Variants in FOXK1 observed in about 807,000 individuals in gnomAD.
FOXK1 encodes the protein forkhead box protein K1.
FOXK1 carries 19 observed loss-of-function variants against 51.9 expected under a neutral mutation model. That is an observed-to-expected ratio of 0.37 (90% CI 0.26 to 0.54). The LOEUF (loss-of-function observed/expected upper bound fraction) is 0.54, where lower values mean the gene tolerates loss of function less well. Among genes scored for constraint, FOXK1 ranks in the 20% least tolerant of loss-of-function variants. FOXK1 has a pLI of 0.87. For missense variants in FOXK1, 870 were observed against 1,032.7 expected, an observed-to-expected ratio of 0.84 and a Z score of 2.16; for synonymous variants, 537 against 482.6, an observed-to-expected ratio of 1.11 and a Z score of -1.48.
chr7:4,699,525 G>A (rs950397456), intron 1 of FOXK1, among the ~76,000 whole-genome samples: 1 of 151,954 alleles, frequency 6.6e-6, no homozygotes, highest in Non-Finnish European at 1.5e-5. Flanking sequence ...CCACCACCAT[G>A]CTGGGCTAAT....
At chr7:4,759,920 A>C in intron 7 of FOXK1, 1 of 389,174 alleles carries the variant, frequency 2.6e-6, no homozygotes, top group Admixed American at 4.4e-5. Flanking sequence ...AGTCCCAGCT[A>C]CTCAGGAGGC....
At chr7:4,697,196 A>G (rs1216625793) in intron 1 of FOXK1, among the ~76,000 whole-genome samples, 1 of 152,188 alleles carries the variant, frequency 6.6e-6, no homozygotes, top group East Asian at 1.9e-4. Context: ...GGAGGAAAAG[A>G]GGGAGGCTCA....
At chr7:4,750,432 G>A (rs762032216) in intron 2 of FOXK1, among the ~76,000 whole-genome samples, 8 of 151,478 alleles carry the variant, frequency 5.3e-5, no homozygotes, top group African/African-American at 1.9e-4. Context: ...CGTGTATGCC[G>A]TCGTTTTCAG....
intron 1 of FOXK1, among the ~76,000 whole-genome samples, chr7:4,694,121 A>C (rs899992029): frequency 1.3e-5 from 2 of 152,214 alleles, no homozygotes; most frequent in East Asian, 3.8e-4. Flanking sequence ...TCCTGGGCTC[A>C]CATGATCCTC....
chr7:4,737,552 C>CGTGTGTGTG (rs1780570317), intron 1 of FOXK1, among the ~76,000 whole-genome samples: 71 of 148,986 alleles, frequency 4.8e-4, no homozygotes, highest in African/African-American at 1.7e-3. Flanking sequence ...GTGTGCGTGC[C>CGTGTGTGTG]TGTGTGTGTG....
At chr7:4,697,469 GGCTGCTGA>G (rs1779967827) in intron 1 of FOXK1, among the ~76,000 whole-genome samples, 1 of 152,174 alleles carries the variant, frequency 6.6e-6, no homozygotes, top group African/African-American at 2.4e-5. Flanking sequence ...TGCTGTCTGT[GGCTGCTGA>G]GCTGAGCCGG....
rs923769128 is a variant in FOXK1, at chr7:4,748,802, C to T, written c.747-5657C>T. Among the ~76,000 whole-genome samples, 9 of 152,178 alleles carry T rather than the reference C, an allele frequency of 5.9e-5. No individual in the cohort carries two copies. Among genetic ancestry groups the T allele is most frequent in the Non-Finnish European group, 8.8e-5 (6 of 68,036 alleles). ...CAAGCGAGCCTCCTGCCTCAGCCTCCCGAGTAGTAGGGACTACAGGTGTGC... is the reference window on the plus strand; with the variant it reads ...CAAGCGAGCCTCCTGCCTCAGCCTCTCGAGTAGTAGGGACTACAGGTGTGC... On this transcript the variant is annotated intron_variant, in intron 2 of 8. Transcript: ENST00000328914. This position sits in a 1 kb window ranked among gnomAD's most constrained non-coding sequence, Gnocchi z 4.9.
chr7:4,741,102 G>A (rs769635400), intron 2 of FOXK1, 79 bp downstream of exon 2: 38 of 1,048,596 alleles, frequency 3.6e-5, no homozygotes, highest in Admixed American at 3.8e-5. Context: ...ACGCAGCACC[G>A]GGTTCCAAAT....
intron 1 of FOXK1, among the ~76,000 whole-genome samples, chr7:4,739,244 T>C (rs1391321360): frequency 6.6e-6 from 1 of 152,228 alleles, no homozygotes; most frequent in African/African-American, 2.4e-5. Context: ...CCGTCCTGAA[T>C]GCCTTCGGGA....
chr7:4,700,153 GC>G (rs1310940616), intron 1 of FOXK1, among the ~76,000 whole-genome samples: 1 of 152,174 alleles, frequency 6.6e-6, no homozygotes, highest in Non-Finnish European at 1.5e-5. Context: ...ACCCTGTGTG[GC>G]CTGTCGTTGT....
In FOXK1 at chr7:4,762,166, C is replaced by G; in HGVS notation, c.1922-18C>G. ...CCTAACCAGACCCCAGAGTAACCCT[C>G]TTCTTCCTCCACTCCAGCCCTCACC... On this transcript the variant is annotated intron_variant, in intron 8 of 8. Coordinates refer to ENST00000328914, the MANE Select transcript of FOXK1 (RefSeq NM_001037165.2). This position sits in a 1 kb window ranked among gnomAD's most constrained non-coding sequence, Gnocchi z 5.7. 1.9e-6 allele frequency: 3 copies of G among 1,540,366 alleles called. No homozygotes were observed. The highest frequency in any genetic ancestry group is 2.6e-6 in the Non-Finnish European group (3 of 1,138,230).
At chr7:4,706,628 A>G (rs1029946411) in intron 1 of FOXK1, among the ~76,000 whole-genome samples, 2 of 152,358 alleles carry the variant, frequency 1.3e-5, no homozygotes. Context: ...GGTAATGCCA[A>G]CAGTCACCAA....
rs1780721727 is a variant in FOXK1, at chr7:4,747,585, G to A, written c.746+6562G>A. Among the ~76,000 whole-genome samples the A allele has an allele frequency of 6.6e-6, 1 of 152,130 alleles. No homozygotes were observed. Among genetic ancestry groups the A allele is most frequent in the Non-Finnish European group, 1.5e-5 (1 of 68,034 alleles). On this transcript the variant is annotated intron_variant, in intron 2 of 8. Coordinates refer to ENST00000328914, the MANE Select transcript of FOXK1 (RefSeq NM_001037165.2). This position sits in a 1 kb window ranked among gnomAD's most constrained non-coding sequence, Gnocchi z 9.2. ...GGGTCTCACTCTATTGCCCAGGCTG[G>A]AGTGCAGTGGCACAGTCACAGCTCA...
At position 4,745,957 on chromosome 7, in the gene FOXK1, G is replaced by A. The variant is rs905242880; in HGVS notation, c.746+4934G>A. Reference sequence around the variant, plus strand: ...ATTCAAGTAGTTAATCATTTTCTAGGTTCCATCAGACAGACACCAGTCTAA... The same window carrying A: ...ATTCAAGTAGTTAATCATTTTCTAGATTCCATCAGACAGACACCAGTCTAA... On this transcript the variant is annotated intron_variant, in intron 2 of 8. Coordinates refer to ENST00000328914, the MANE Select transcript of FOXK1 (RefSeq NM_001037165.2). The surrounding 1 kb of genome is among the most constrained non-coding windows in gnomAD (Gnocchi z 4.3). 1.3e-5 allele frequency among the ~76,000 whole-genome samples: 2 copies of A among 152,186 alleles called. No individual in the cohort carries two copies. Among genetic ancestry groups the A allele is most frequent in the East Asian group, 1.9e-4 (1 of 5,200 alleles).
chr7:4,767,959 G>A lies in FOXK1; in HGVS notation c.*5495G>A, dbSNP rs1426297657. ...TGAATTCTGTCGGAGTTGAATCTGT[G>A]GAAAGGATTGTCCCATTAGAGCTGC... On this transcript the variant is annotated 3_prime_UTR_variant, in exon 9 of 9. Coordinates refer to ENST00000328914, the MANE Select transcript of FOXK1 (RefSeq NM_001037165.2). The surrounding 1 kb of genome is among the most constrained non-coding windows in gnomAD (Gnocchi z 6.6). 1 of 151,898 alleles carries A rather than the reference G, an allele frequency of 6.6e-6. No homozygotes were observed. Among genetic ancestry groups the A allele is most frequent in the African/African-American group, 2.4e-5 (1 of 41,322 alleles). 9.4% of individuals were successfully genotyped at this position (151,898 alleles called of 1,614,324 possible).
At chr7:4,694,495 C>T (rs983755493) in intron 1 of FOXK1, among the ~76,000 whole-genome samples, 3 of 152,254 alleles carry the variant, frequency 2.0e-5, no homozygotes, top group East Asian at 1.9e-4. Context: ...ATTTGTATCA[C>T]GAGGGGGAAA....
In FOXK1 at chr7:4,730,563, C is replaced by A. The variant is rs557472799; in HGVS notation, c.561-10275C>A. Among the ~76,000 whole-genome samples, 1 of 152,148 alleles carries A rather than the reference C, an allele frequency of 6.6e-6. No individual in the cohort carries two copies. Among genetic ancestry groups the A allele is most frequent in the Non-Finnish European group, 1.5e-5 (1 of 68,022 alleles). ...TTTGTGTTGCTGTCAGGGACCTTGCCGACCCAGCCCCCGCCCCGCCTTCAA... is the reference window on the plus strand; with the variant it reads ...TTTGTGTTGCTGTCAGGGACCTTGCAGACCCAGCCCCCGCCCCGCCTTCAA... On this transcript the variant is annotated intron_variant, in intron 1 of 8. Coordinates refer to ENST00000328914, the MANE Select transcript of FOXK1 (RefSeq NM_001037165.2). This position sits in a 1 kb window ranked among gnomAD's most constrained non-coding sequence, Gnocchi z 4.7.
chr7:4,685,957 T>TG (rs1406882543), intron 1 of FOXK1, among the ~76,000 whole-genome samples: 1 of 143,062 alleles, frequency 7.0e-6, no homozygotes, highest in Admixed American at 7.0e-5. Context: ...AAAAACAAAA[T>TG]GAAAAAAAAA....
At chr7:4,726,363 C>T (rs1304700572) in intron 1 of FOXK1, among the ~76,000 whole-genome samples, 1 of 152,166 alleles carries the variant, frequency 6.6e-6, no homozygotes, top group African/African-American at 2.4e-5. Flanking sequence ...GAAAGCGTTT[C>T]CTCCATCAGC....
Sources: gnomAD v4.1 joint callset for allele counts (sites outside exome capture counted in the v4.1 genomes callset) on GRCh38, gnomAD v4.1.1 for gene constraint, Gnocchi (gnomAD v3.1) non-coding constraint, MANE v1.5 for transcripts, NCBI Gene and HGNC (gene_info 2026-07-23, HGNC 2026-07-21) for gene names.